ATP6V1C1: variants seen among roughly 807,000 people sequenced by gnomAD.
The protein encoded by ATP6V1C1 is V-type proton ATPase subunit C 1.
In ATP6V1C1, 45 loss-of-function variants were observed where a neutral mutation model predicts 53.9. The ratio of observed to expected loss-of-function variants is 0.83; its 90% CI spans 0.66 to 1.07. The LOEUF (loss-of-function observed/expected upper bound fraction) is 1.07. Among genes scored for constraint, ATP6V1C1 ranks in the 50% least tolerant of loss-of-function variants. ATP6V1C1 has a pLI of 0.00. For missense variants in ATP6V1C1, 315 were observed against 440.3 expected, an observed-to-expected ratio of 0.72 and a Z score of 2.55; for synonymous variants, 153 against 155.2, an observed-to-expected ratio of 0.99 and a Z score of 0.11.
At chr8:103,048,552 T>G (rs539713757) in intron 3 of ATP6V1C1, among the ~76,000 whole-genome samples, 1 of 152,286 alleles carries the variant, frequency 6.6e-6, no homozygotes, top group African/African-American at 2.4e-5. Flanking sequence ...TTGTCTAGTT[T>G]CTTGGCATAT....
intron 10 of ATP6V1C1, among the ~76,000 whole-genome samples, chr8:103,064,187 G>A (rs956542360): frequency 1.1e-4 from 17 of 152,104 alleles, no homozygotes; most frequent in Non-Finnish European, 2.4e-4. Flanking sequence ...AGAACTTAAC[G>A]CTATACAATT....
At chr8:103,051,983 A>G (rs6468858) in intron 5 of ATP6V1C1, among the ~76,000 whole-genome samples, 36,587 of 152,040 alleles carry the variant, frequency 0.24, 4,573 homozygotes, top group Middle Eastern at 0.29. Context: ...AACTAAAGTC[A>G]TCATGTAATT....
Position 103,024,034 on chromosome 8 carries a change from C to T in ATP6V1C1, c.-40+2809C>T, listed in dbSNP as rs1816652932. 2.0e-5 allele frequency among the ~76,000 whole-genome samples: 3 copies of T among 152,152 alleles called. No homozygotes were observed. The South Asian group carries it at 6.2e-4, about 32-fold the overall frequency. On this transcript the variant is annotated intron_variant, in intron 1 of 12. Coordinates refer to ENST00000518738, the MANE Select transcript of ATP6V1C1 (RefSeq NM_001695.5). Reference sequence around the variant, plus strand: ...ATCTTGGATAGAGCTGTTCAATTTACAGTTCATCTGGAGGAAATAATGAAC... The same window carrying T: ...ATCTTGGATAGAGCTGTTCAATTTATAGTTCATCTGGAGGAAATAATGAAC...
At chr8:103,022,906 A>G (rs1002643691) in intron 1 of ATP6V1C1, among the ~76,000 whole-genome samples, 2 of 151,988 alleles carry the variant, frequency 1.3e-5, no homozygotes, top group Non-Finnish European at 2.9e-5. Context: ...AAAAATAACT[A>G]GCTGGGAGTG....
At chr8:103,040,748 AGAAACAAAT>A in intron 1 of ATP6V1C1, 41 bp from the exon 2 acceptor site, 1 of 1,480,118 alleles carries the variant, frequency 6.8e-7, no homozygotes, top group Non-Finnish European at 9.2e-7. Flanking sequence ...GAAACACTTT[AGAAACAAAT>A]GATTTTAAAT....
intron 1 of ATP6V1C1, among the ~76,000 whole-genome samples, chr8:103,023,549 A>C (rs767681851): frequency 6.6e-6 from 1 of 152,198 alleles, no homozygotes; most frequent in African/African-American, 2.4e-5. Flanking sequence ...AGTACATAGC[A>C]GAGGCTCTTT....
intron 10 of ATP6V1C1, 117 bp downstream of exon 10, chr8:103,063,345 G>T (rs1817436495): frequency 1.2e-4 from 60 of 511,866 alleles, no homozygotes; most frequent in South Asian, 3.2e-4. Context: ...TTTGATTTTA[G>T]TTTTTTTTTT....
In ATP6V1C1 at chr8:103,065,144, G is replaced by T. The variant is rs1033808350; in HGVS notation, c.926+333G>T. ...TTATATGTCATTGGATACATAGTAT[G>T]CTAATGACTTATTGAAATCATTTCA... is the stretch of plus-strand genomic sequence containing the variant. On this transcript the variant is annotated intron_variant, in intron 11 of 12. Coordinates refer to ENST00000518738, the MANE Select transcript of ATP6V1C1 (RefSeq NM_001695.5). Among the ~76,000 whole-genome samples, 15 of 152,126 alleles carry T rather than the reference G, an allele frequency of 9.9e-5. 1 individual carries two copies. The highest frequency in any genetic ancestry group is 3.3e-4 in the Admixed American group (5 of 15,278).
chr8:103,026,828 G>A (rs1161462110), intron 1 of ATP6V1C1, among the ~76,000 whole-genome samples: 1 of 152,046 alleles, frequency 6.6e-6, no homozygotes. Context: ...AAAATAAAAA[G>A]GCATATTTTC....
chr8:103,063,383 C>A, intron 10 of ATP6V1C1, 155 bp downstream of exon 10: 1 of 569,114 alleles, frequency 1.8e-6, no homozygotes, highest in Non-Finnish European at 3.0e-6. Flanking sequence ...TGAATTTCCT[C>A]TAAAGCTTAA....
At chr8:103,060,651 G>A (rs915761989) in intron 8 of ATP6V1C1, among the ~76,000 whole-genome samples, 1 of 152,200 alleles carries the variant, frequency 6.6e-6, no homozygotes, top group Non-Finnish European at 1.5e-5. Context: ...GTAAGGACTC[G>A]TGGTTTATTT....
chr8:103,025,839 GCTTA>G (rs1641014859), intron 1 of ATP6V1C1, among the ~76,000 whole-genome samples: 1 of 152,216 alleles, frequency 6.6e-6, no homozygotes, highest in African/African-American at 2.4e-5. Context: ...AGAATCTCAA[GCTTA>G]CTTAGGGTCA....
chr8:103,064,584 A>G, intron 10 of ATP6V1C1, 130 bp from the exon 11 acceptor site: 2 of 676,132 alleles, frequency 3.0e-6, no homozygotes, highest in Non-Finnish European at 4.8e-6. Context: ...ATAGTGAAAC[A>G]TGTAGAAAGT....
intron 3 of ATP6V1C1, among the ~76,000 whole-genome samples, chr8:103,044,013 C>T (rs1026692030): frequency 6.6e-6 from 1 of 152,010 alleles, no homozygotes; most frequent in Non-Finnish European, 1.5e-5. Context: ...CTCAGCCTCC[C>T]GAGTAGCTGA....
At chr8:103,060,610 G>A (rs1468622203) in intron 8 of ATP6V1C1, among the ~76,000 whole-genome samples, 2 of 152,184 alleles carry the variant, frequency 1.3e-5, no homozygotes, top group East Asian at 1.9e-4. Flanking sequence ...CAGAGTCTCA[G>A]TACATGTTAA....
At chr8:103,034,436 C>T (rs779571199) in intron 1 of ATP6V1C1, among the ~76,000 whole-genome samples, 6 of 144,396 alleles carry the variant, frequency 4.2e-5, no homozygotes, top group Non-Finnish European at 9.3e-5. Flanking sequence ...TGTTTCCTTG[C>T]AGCTGAGAGA....
chr8:103,059,779 A>G (rs1817361176), intron 8 of ATP6V1C1, among the ~76,000 whole-genome samples: 1 of 151,126 alleles, frequency 6.6e-6, no homozygotes, highest in African/African-American at 2.4e-5. Flanking sequence ...TCAGTCCTCC[A>G]CATTGCTGCT....
intron 1 of ATP6V1C1, 104 bp from the exon 2 acceptor site, chr8:103,040,694 T>G (rs1041762330): frequency 8.4e-6 from 8 of 956,058 alleles, no homozygotes; most frequent in Non-Finnish European, 1.2e-5. Context: ...AACATTAGAT[T>G]AGTTTTGAAA....
intron 1 of ATP6V1C1, among the ~76,000 whole-genome samples, chr8:103,035,553 T>A (rs1216519228): frequency 6.6e-6 from 1 of 152,122 alleles, no homozygotes; most frequent in Non-Finnish European, 1.5e-5. Flanking sequence ...CAAAGGATAT[T>A]TCTCATCTGG....
Sources: gnomAD v4.1 joint callset for allele counts (sites outside exome capture counted in the v4.1 genomes callset) on GRCh38, gnomAD v4.1.1 for gene constraint, MANE v1.5 for transcripts, NCBI Gene and HGNC (gene_info 2026-07-23, HGNC 2026-07-21) for gene names.